The following UGT2B4 variants were observed in gnomAD, a reference collection of about 807,000 sequenced individuals.
UGT2B4 encodes UDP glucuronosyltransferase family 2 member B4, also known as UDP-glucuronosyltransferase 2B4.
In UGT2B4, 49 loss-of-function variants were observed where a neutral mutation model predicts 49.8. The observed-to-expected ratio is 0.98, with a 90% CI of 0.78 to 1.25. The LOEUF is 1.25. Ranked by LOEUF, UGT2B4 falls within the 50% of genes most tolerant of loss-of-function variation. The pLI, the probability that UGT2B4 is intolerant of heterozygous loss-of-function variation, is 0.00. For missense variants in UGT2B4, 729 were observed against 627.7 expected (o/e 1.16, Z -1.73); for synonymous variants, 246 against 217.7 (o/e 1.13, Z -1.14).
chr4:69,504,181 C>T (rs1429713231), intron 1 of UGT2B4, among the ~76,000 whole-genome samples: 1 of 152,180 alleles, frequency 6.6e-6, no homozygotes, highest in African/African-American at 2.4e-5. Flanking sequence ...CATCCAATGA[C>T]CACATCACCT....
At chr4:69,502,122 T>TTTCTTTCTTTC (rs1728346564) in intron 1 of UGT2B4, among the ~76,000 whole-genome samples, 11 of 141,568 alleles carry the variant, frequency 7.8e-5, no homozygotes, top group African/African-American at 2.8e-4. Context: ...TCTTTCTTTC[T>TTTCTTTCTTTC]TTCTTTCTTT....
In UGT2B4 at chr4:69,480,822, C is replaced by T. The variant is rs1289488071; in HGVS notation, c.1399G>A (p.Val467Ile). The T allele has an allele frequency of 1.9e-6, 3 of 1,613,892 alleles. No individual in the cohort carries two copies. The highest frequency in any genetic ancestry group is 3.3e-5 in the Admixed American group (2 of 60,000). ...LDRAVFWIEF[V>I]MRHKGAKHLR... is the part of the protein sequence containing the mutation. ...TGCTTGGCTCCTTTATGGCGCATGA[C>T]AAATTCAATCCAGAAGACTGCTCGA... is the stretch of plus-strand genomic sequence containing the variant. The change falls in exon 6 of 6, where the codon GTC becomes ATC. Residue 467 changes from valine to isoleucine, a missense_variant. Val to Ile is a conservative substitution (Grantham distance 29). Transcript: ENST00000305107.
At position 69,485,400 on chromosome 4, in the gene UGT2B4, G is replaced by A. The variant is rs370186125; in HGVS notation, c.1118C>T (p.Thr373Ile). The A allele has an allele frequency of 5.0e-6, 8 of 1,613,710 alleles. No homozygotes were observed. In the African/African-American group the frequency reaches 1.1e-4, roughly 22 times the overall value. ...ATAGATGCCATTGGCTCCACCATGA[G>A]TTATAAAAGCTCTGGTTTTTGGGTG... is the stretch of plus-strand genomic sequence containing the variant. ...LGHPKTRAFI[T>I]HGGANGIYEA... Residue 373 changes from threonine (T) to isoleucine (I), a missense_variant, in exon 5 of 6, where the codon ACT becomes ATT. Physicochemically the swap from Thr to Ile is moderately conservative, Grantham distance 89. Transcript: ENST00000305107.
At chr4:69,493,187 A>G (rs1464319071) in intron 2 of UGT2B4, among the ~76,000 whole-genome samples, 1 of 151,918 alleles carries the variant, frequency 6.6e-6, no homozygotes, top group Non-Finnish European at 1.5e-5. Context: ...TCCTGCATAT[A>G]GTTCAGCTCT....
intron 4 of UGT2B4, 163 bp downstream of exon 4, chr4:69,486,446 A>AACTATC (rs1727786023): frequency 7.4e-6 from 3 of 407,394 alleles, no homozygotes; most frequent in Non-Finnish European, 1.3e-5. Flanking sequence ...AAATGCCAAC[A>AACTATC]ATTTATTCTT....
intron 2 of UGT2B4, among the ~76,000 whole-genome samples, chr4:69,490,820 G>A (rs41297377): frequency 0.011 from 1,681 of 152,226 alleles, 23 homozygotes; most frequent in African/African-American, 0.038. Flanking sequence ...GCAGTTACCT[G>A]TAGCCACATT....
At chr4:69,486,762 C>A in intron 3 of UGT2B4, 66 bp from the exon 4 acceptor site, 1 of 1,241,050 alleles carries the variant, frequency 8.1e-7, no homozygotes, top group Non-Finnish European at 1.2e-6. Flanking sequence ...TGTTAGAAAT[C>A]TAAAGAGATT....
At chr4:69,493,904 GA>G in intron 1 of UGT2B4, 63 bp from the exon 2 acceptor site, 1 of 1,535,022 alleles carries the variant, frequency 6.5e-7, no homozygotes, top group South Asian at 1.3e-5. Flanking sequence ...GTAATTTTCT[GA>G]AAGAAGTTAG....
In UGT2B4 at chr4:69,495,740, G is replaced by T. The variant is rs1233059608; in HGVS notation, c.122C>A (p.Thr41Lys). The T allele has an allele frequency of 1.2e-6, 2 of 1,614,026 alleles. No homozygotes were observed. Among genetic ancestry groups the T allele is most frequent in the South Asian group, 2.2e-5 (2 of 91,086 alleles). The change falls in exon 1 of 6, where the codon ACA (threonine) becomes AAA (lysine). Residue 41 changes from threonine to lysine, a missense_variant. Transcript: ENST00000305107. ...TEFSHWMNIK[T>K]ILDELVQRGH... ...TCTCTGGACAAGTTCATCCAGGATT[G>T]TCTTTATATTCATCCAGTGGCTGAA...
intron 5 of UGT2B4, among the ~76,000 whole-genome samples, chr4:69,482,452 A>G (rs1388863041): frequency 6.6e-6 from 1 of 152,182 alleles, no homozygotes. Context: ...TCAGATCATG[A>G]TAGAGGGTAT....
At chr4:69,513,373 T>C (rs1728654242) in intron 1 of UGT2B4, among the ~76,000 whole-genome samples, 1 of 152,146 alleles carries the variant, frequency 6.6e-6, no homozygotes, top group Non-Finnish European at 1.5e-5. Flanking sequence ...TTGTCAAGTT[T>C]GTGGAAGATC....
intron 3 of UGT2B4, among the ~76,000 whole-genome samples, 159 bp downstream of exon 3, chr4:69,489,280 T>C (rs1462934180): frequency 6.6e-6 from 1 of 152,150 alleles, no homozygotes; most frequent in Non-Finnish European, 1.5e-5. Flanking sequence ...GAGTTTATCA[T>C]CTTCCATACA....
In UGT2B4 at chr4:69,480,574, G is replaced by C. The variant is rs1560429710; in HGVS notation, c.*60C>G. On this transcript the variant is annotated 3_prime_UTR_variant, in exon 6 of 6. Coordinates refer to ENST00000305107, the MANE Select transcript of UGT2B4 (RefSeq NM_021139.3). ...ATCTCTTGTATCACAACGTCTTCTT[G>C]TTGTAATAAACTAAAGGAGTTCATT... 2 of 1,553,016 alleles carry C rather than the reference G, an allele frequency of 1.3e-6. No homozygotes were observed. The highest frequency in any genetic ancestry group is 1.2e-5 in the South Asian group (1 of 80,462).
intron 1 of UGT2B4, among the ~76,000 whole-genome samples, chr4:69,512,802 A>G (rs1284225422): frequency 6.6e-6 from 1 of 152,036 alleles, no homozygotes; most frequent in Non-Finnish European, 1.5e-5. Flanking sequence ...ATGATGTCTC[A>G]TTGTGGTTTT....
At chr4:69,511,643 G>GTA (rs1728605973) in intron 1 of UGT2B4, among the ~76,000 whole-genome samples, 1 of 151,572 alleles carries the variant, frequency 6.6e-6, no homozygotes. Flanking sequence ...TTTCTGTCGC[G>GTA]TGTTTGTCTG....
At chr4:69,509,170 ATTTTTTTT>A (rs3075675) in intron 1 of UGT2B4, among the ~76,000 whole-genome samples, 1 of 119,784 alleles carries the variant, frequency 8.3e-6, no homozygotes, top group Non-Finnish European at 1.6e-5. Context: ...TGGAATTTCT[ATTTTTTTT>A]TTTTTTTTTT....
At chr4:69,510,517 AT>A (rs71205987) in intron 1 of UGT2B4, among the ~76,000 whole-genome samples, 144,967 of 152,202 alleles carry the variant, frequency 0.95, 69,447 homozygotes, top group East Asian at 1. Context: ...TGTATTTTTA[AT>A]TTGCATTCAT....
intron 1 of UGT2B4, chr4:69,525,580 T>G: frequency 1.9e-6 from 1 of 518,932 alleles, no homozygotes; most frequent in Non-Finnish European, 2.6e-6. Context: ...TTGGGCAACG[T>G]GATATAGTTT....
intron 1 of UGT2B4, among the ~76,000 whole-genome samples, chr4:69,512,877 GT>G (rs1728642339): frequency 6.6e-6 from 1 of 151,996 alleles, no homozygotes. Flanking sequence ...CCCTATATAT[GT>G]CTTCTTTTGA....
Sources: gnomAD v4.1 joint callset for allele counts (sites outside exome capture counted in the v4.1 genomes callset) on GRCh38, gnomAD v4.1.1 for gene constraint, MANE v1.5 for transcripts, NCBI Gene and HGNC (gene_info 2026-07-23, HGNC 2026-07-21) for gene names.